The following CSMD3 variants were observed in gnomAD, a reference collection of about 807,000 sequenced individuals.
The protein encoded by CSMD3 is CUB and Sushi multiple domains 3.
In CSMD3, 177 loss-of-function variants were observed where a neutral mutation model predicts 435.2. The observed-to-expected ratio is 0.41, with a 90% CI of 0.36 to 0.46. CSMD3 has a LOEUF of 0.46. CSMD3 is among the 20% of genes least tolerant of loss of function. The pLI is 0.34. For missense variants in CSMD3, 4,265 were observed against 4,504.6 expected, an observed-to-expected ratio of 0.95 and a Z score of 1.52; for synonymous variants, 1,656 against 1,520.5, an observed-to-expected ratio of 1.09 and a Z score of -2.07.
chr8:113,305,514 A>C (rs1390435687), intron 2 of CSMD3, among the ~76,000 whole-genome samples: 1 of 152,186 alleles, frequency 6.6e-6, no homozygotes, highest in Non-Finnish European at 1.5e-5. Flanking sequence ...TAATCTAAGG[A>C]ACAAAGTGTT....
chr8:112,319,825 C>T, intron 46 of CSMD3, 76 bp downstream of exon 46: 2 of 1,014,622 alleles, frequency 2.0e-6, no homozygotes, highest in Non-Finnish European at 3.1e-6. Flanking sequence ...TATTACTATT[C>T]TGTATTTTGG....
chr8:112,915,288 G>T (rs1241530046), intron 10 of CSMD3, among the ~76,000 whole-genome samples: 3 of 151,562 alleles, frequency 2.0e-5, no homozygotes, highest in Admixed American at 1.3e-4. Flanking sequence ...TACTAATATG[G>T]TTATTGCAGT....
intron 13 of CSMD3, among the ~76,000 whole-genome samples, chr8:112,752,828 G>T (rs1300436937): frequency 6.6e-6 from 1 of 151,792 alleles, no homozygotes; most frequent in Non-Finnish European, 1.5e-5. Flanking sequence ...AATGAAAATA[G>T]TTTATAAATG....
chr8:112,401,633 A>C (rs1474794364), intron 35 of CSMD3, among the ~76,000 whole-genome samples: 1 of 152,140 alleles, frequency 6.6e-6, no homozygotes, highest in Non-Finnish European at 1.5e-5. Context: ...TTCTTTAAGT[A>C]CACTCCTCAA....
intron 3 of CSMD3, among the ~76,000 whole-genome samples, chr8:113,227,294 T>C (rs543503899): frequency 6.6e-6 from 1 of 151,712 alleles, no homozygotes; most frequent in African/African-American, 2.4e-5. Flanking sequence ...AGAAAGGTTG[T>C]GGGGTCTGTC....
chr8:112,948,756 A>C (rs996535285), intron 8 of CSMD3, among the ~76,000 whole-genome samples: 1 of 151,966 alleles, frequency 6.6e-6, no homozygotes, highest in Non-Finnish European at 1.5e-5. Flanking sequence ...CAGAGAGAAA[A>C]AAAATCTAAA....
At chr8:112,985,237 C>T (rs1473914245) in intron 6 of CSMD3, among the ~76,000 whole-genome samples, 4 of 151,772 alleles carry the variant, frequency 2.6e-5, no homozygotes, top group Non-Finnish European at 4.4e-5. Context: ...GCAGATTTTC[C>T]CTGATACATG....
rs185417427 is a variant in CSMD3, at chr8:112,318,270, G to A, written c.7360+567C>T. Among the ~76,000 whole-genome samples, 180 of 151,988 alleles carry A rather than the reference G, an allele frequency of 1.2e-3. 1 individual carries two copies. Among genetic ancestry groups the A allele is most frequent in the African/African-American group, 4.0e-3 (164 of 41,490 alleles). ...ATCAAGCTTTCCCTACCCCACAACC[G>A]GTTAAAAATTATATGAATCTACAGC... is the stretch of plus-strand genomic sequence containing the variant. On this transcript the variant is annotated intron_variant, in intron 47 of 70. Coordinates refer to ENST00000297405, the MANE Select transcript of CSMD3 (RefSeq NM_198123.2).
intron 3 of CSMD3, among the ~76,000 whole-genome samples, chr8:113,278,194 G>C (rs1411298188): frequency 6.6e-6 from 1 of 151,694 alleles, no homozygotes; most frequent in African/African-American, 2.4e-5. Flanking sequence ...GTCAACTCTT[G>C]TCTCTTTCTG....
intron 1 of CSMD3, among the ~76,000 whole-genome samples, chr8:113,426,999 T>C (rs997041782): frequency 6.6e-6 from 1 of 151,388 alleles, no homozygotes; most frequent in African/African-American, 2.4e-5. Context: ...GTATATCCTA[T>C]GACTAATACA....
intron 3 of CSMD3, among the ~76,000 whole-genome samples, chr8:113,272,083 C>A (rs1385157258): frequency 1.3e-5 from 2 of 152,066 alleles, no homozygotes; most frequent in Non-Finnish European, 2.9e-5. Context: ...ATACCTGTAC[C>A]CCCATTGTAT....
chr8:112,666,478 T>C (rs2131708944), intron 16 of CSMD3, 63 bp from the exon 17 acceptor site: 1 of 1,439,518 alleles, frequency 6.9e-7, no homozygotes. Context: ...ATATTATTCT[T>C]AATACAAACA....
rs796663762 is a variant in CSMD3 at position 112,251,825 on chromosome 8, G to A, written c.10110+2428C>T. Among the ~76,000 whole-genome samples, 17 of 151,864 alleles carry A rather than the reference G, an allele frequency of 1.1e-4. 1 individual carries two copies. Among genetic ancestry groups the A allele is most frequent in the African/African-American group, 4.1e-4 (17 of 41,502 alleles). The stretch of plus-strand genomic sequence containing the variant: ...GATACAGCAGTGTGTATGTGTGCTT[G>A]TCATTTACTCCATGGTTAATCCTGA... On this transcript the variant is annotated intron_variant, in intron 63 of 70. Coordinates refer to ENST00000297405, the MANE Select transcript of CSMD3 (RefSeq NM_198123.2).
intron 7 of CSMD3, among the ~76,000 whole-genome samples, chr8:112,970,732 T>C (rs566963815): frequency 6.6e-6 from 1 of 151,556 alleles, no homozygotes; most frequent in South Asian, 2.1e-4. Context: ...TTTCTTTTTT[T>C]TTTTTTTTAT....
intron 28 of CSMD3, among the ~76,000 whole-genome samples, chr8:112,513,690 G>T (rs1586567475): frequency 6.6e-6 from 1 of 152,052 alleles, no homozygotes; most frequent in African/African-American, 2.4e-5. Context: ...CCTTCAATTT[G>T]TAAAAAAACG....
intron 9 of CSMD3, among the ~76,000 whole-genome samples, chr8:112,926,963 A>G (rs971520331): frequency 2.6e-5 from 4 of 152,174 alleles, no homozygotes; most frequent in African/African-American, 9.7e-5. Context: ...TCACTGTACA[A>G]ATAGAAATTG....
intron 36 of CSMD3, among the ~76,000 whole-genome samples, chr8:112,387,313 C>T (rs573282112): frequency 2.6e-5 from 4 of 152,126 alleles, no homozygotes; most frequent in Non-Finnish European, 5.9e-5. Flanking sequence ...CACTTTATCT[C>T]ATATATGATT....
rs890945565 is a variant in CSMD3, at chr8:113,204,827, C to T, written c.515-30911G>A. On this transcript the variant is annotated intron_variant, in intron 3 of 70. Transcript: ENST00000297405. ...TTCACACTGCTAATAAAGATATACC[C>T]GAGACTGGGCACTTTACAAAAGAAA... Among the ~76,000 whole-genome samples, 19 of 152,016 alleles carry T rather than the reference C, an allele frequency of 1.2e-4. 1 individual carries two copies. Among genetic ancestry groups the T allele is most frequent in the Admixed American group, 6.6e-5 (1 of 15,242 alleles).
intron 3 of CSMD3, among the ~76,000 whole-genome samples, chr8:113,197,871 G>T (rs978345555): frequency 6.6e-6 from 1 of 150,818 alleles, no homozygotes; most frequent in Admixed American, 6.7e-5. Context: ...ATTGTTCTAG[G>T]TGGACAGAAC....
Sources: allele counts gnomAD v4.1 joint callset (sites outside exome capture counted in the v4.1 genomes callset), GRCh38; gene constraint gnomAD v4.1.1; transcripts MANE v1.5; gene names NCBI Gene and HGNC (gene_info 2026-07-23, HGNC 2026-07-21).